JARID2: variants seen among roughly 807,000 people sequenced by gnomAD.
JARID2 encodes protein Jumonji.
Under a neutral mutation model 125.6 loss-of-function variants are expected in JARID2, and 21 were observed. The ratio of observed to expected loss-of-function variants is 0.17; its 90% CI spans 0.12 to 0.24. The LOEUF (loss-of-function observed/expected upper bound fraction) is 0.24, where lower values mean the gene tolerates loss of function less well. JARID2 is among the 10% of genes least tolerant of loss of function. JARID2 has a pLI of 1.00. For synonymous variants in JARID2, 736 were observed against 661.6 expected, an observed-to-expected ratio of 1.11 and a Z score of -1.73; for missense variants, 1,303 against 1,639.6, an observed-to-expected ratio of 0.79 and a Z score of 3.55.
intron 1 of JARID2, among the ~76,000 whole-genome samples, chr6:15,305,779 CTG>C (rs1761799252): frequency 6.6e-6 from 1 of 152,126 alleles, no homozygotes; most frequent in African/African-American, 2.4e-5. Context: ...TGTTAACATT[CTG>C]TGTGTGAGAG....
chr6:15,495,234 C>T (rs189222635), intron 6 of JARID2, among the ~76,000 whole-genome samples: 144 of 152,302 alleles, frequency 9.5e-4, no homozygotes, highest in African/African-American at 3.1e-3. Flanking sequence ...TCCCCATTTT[C>T]GCTGACGTTT....
At chr6:15,512,848 CAAG>C (rs1771344395) in intron 14 of JARID2, 64 bp from the exon 15 acceptor site, 3 of 1,493,156 alleles carry the variant, frequency 2.0e-6, no homozygotes, top group African/African-American at 2.8e-5. Context: ...CCCCCTCCAC[CAAG>C]AAGAACCTTG....
chr6:15,285,103 T>C (rs60007665), intron 1 of JARID2, among the ~76,000 whole-genome samples: 20,643 of 143,518 alleles, frequency 0.14, 2,383 homozygotes, highest in African/African-American at 0.32. Context: ...TGAGTCTTTC[T>C]GGGTTTTTTT....
At chr6:15,351,610 A>G (rs547318184) in intron 1 of JARID2, among the ~76,000 whole-genome samples, 39 of 152,282 alleles carry the variant, frequency 2.6e-4, no homozygotes, top group African/African-American at 8.7e-4. Flanking sequence ...ACACAAGGCT[A>G]CCGACTTGCA....
At chr6:15,317,456 G>T (rs1762216512) in intron 1 of JARID2, among the ~76,000 whole-genome samples, 1 of 152,156 alleles carries the variant, frequency 6.6e-6, no homozygotes, top group African/African-American at 2.4e-5. Context: ...CGACATTGTG[G>T]TAAGAGTAAT....
intron 4 of JARID2, 22 bp downstream of exon 4, chr6:15,452,197 C>T (rs751300479): frequency 9.3e-6 from 15 of 1,612,220 alleles, no homozygotes; most frequent in East Asian, 2.2e-5. Context: ...CAACCATCGG[C>T]GGAGGTCTAC....
chr6:15,309,321 C>T (rs1290138868), intron 1 of JARID2, among the ~76,000 whole-genome samples: 2 of 151,846 alleles, frequency 1.3e-5, no homozygotes, highest in African/African-American at 4.8e-5. Flanking sequence ...CTTTAAAAAT[C>T]GACATTCCAT....
intron 3 of JARID2, among the ~76,000 whole-genome samples, chr6:15,448,414 C>T (rs1177544223): frequency 2.0e-5 from 3 of 152,068 alleles, no homozygotes; most frequent in Non-Finnish European, 4.4e-5. Flanking sequence ...TTCTCATTGT[C>T]GCTGCACAAT....
At chr6:15,342,642 T>TG (rs964768785) in intron 1 of JARID2, among the ~76,000 whole-genome samples, 1 of 152,148 alleles carries the variant, frequency 6.6e-6, no homozygotes, top group Non-Finnish European at 1.5e-5. Flanking sequence ...ACATTTTTAA[T>TG]GGGGGGTATT....
Position 15,324,518 on chromosome 6 carries a change from A to G in JARID2, c.46-49599A>G, listed in dbSNP as rs1396746031. On this transcript the variant is annotated intron_variant, in intron 1 of 17. Transcript: ENST00000341776. Reference sequence around the variant, plus strand: ...TTCTTCTTTTTCTTTTTTTTAAAAGACAGTCTTTGAACCAGGCTGGAGGTT... The same window carrying G: ...TTCTTCTTTTTCTTTTTTTTAAAAGGCAGTCTTTGAACCAGGCTGGAGGTT... 4 of 151,966 alleles carry G rather than the reference A, an allele frequency of 2.6e-5. No individual in the cohort carries two copies. The East Asian group carries it at 7.7e-4, about 29-fold the overall frequency. 9.4% of individuals were successfully genotyped at this position (151,966 alleles called of 1,614,324 possible). A position where few individuals can be genotyped will look rare whatever the true frequency, so the allele number is the denominator to read the frequency against.
chr6:15,469,372 CCCCCTCTCCCCCTCTCCCCCTT>C (rs1768947372), intron 5 of JARID2, among the ~76,000 whole-genome samples: 1 of 34,268 alleles, frequency 2.9e-5, no homozygotes, highest in African/African-American at 1.2e-4. Context: ...CTCCCCTTCT[CCCCCTCTCCCCCTCTCCCCCTT>C]TCCCCCTCTC....
At chr6:15,286,716 G>A (rs1761015754) in intron 1 of JARID2, among the ~76,000 whole-genome samples, 1 of 151,924 alleles carries the variant, frequency 6.6e-6, no homozygotes, top group Admixed American at 6.6e-5. Context: ...AAAAAAATTA[G>A]CTGGGTGTGG....
At chr6:15,506,850 A>G (rs1318490287) in intron 9 of JARID2, among the ~76,000 whole-genome samples, 4 of 152,190 alleles carry the variant, frequency 2.6e-5, no homozygotes, top group Admixed American at 6.5e-5. Flanking sequence ...GATTTTGTTC[A>G]TCCATCTGTG....
chr6:15,470,155 C>T (rs999379536), intron 5 of JARID2, among the ~76,000 whole-genome samples: 21 of 140,748 alleles, frequency 1.5e-4, no homozygotes, highest in African/African-American at 4.6e-4. Flanking sequence ...CCAGCTTGGG[C>T]GACAGAGCGA....
At chr6:15,425,015 C>A (rs543189100) in intron 3 of JARID2, among the ~76,000 whole-genome samples, 5 of 152,248 alleles carry the variant, frequency 3.3e-5, no homozygotes, top group Admixed American at 6.5e-5. Flanking sequence ...TTATTATCAT[C>A]CCCATCCTAC....
intron 3 of JARID2, among the ~76,000 whole-genome samples, chr6:15,415,226 A>G (rs1305873943): frequency 6.6e-6 from 1 of 152,200 alleles, no homozygotes; most frequent in African/African-American, 2.4e-5. Context: ...CTCTACACAG[A>G]CATGGCAACC....
intron 5 of JARID2, among the ~76,000 whole-genome samples, chr6:15,477,379 C>G (rs9383061): frequency 6.6e-6 from 1 of 151,314 alleles, no homozygotes; most frequent in South Asian, 2.1e-4. Context: ...AGACAAATGC[C>G]GCCTCCCCGC....
intron 6 of JARID2, among the ~76,000 whole-genome samples, chr6:15,487,752 C>T (rs998255868): frequency 1.3e-5 from 2 of 152,220 alleles, no homozygotes; most frequent in African/African-American, 4.8e-5. Flanking sequence ...TGCATTCATC[C>T]CTGGGTGCCA....
At chr6:15,272,155 AAAAC>A (rs1167352572) in intron 1 of JARID2, among the ~76,000 whole-genome samples, 1 of 152,234 alleles carries the variant, frequency 6.6e-6, no homozygotes, top group Non-Finnish European at 1.5e-5. Context: ...GAAAAACAAA[AAAAC>A]AAAAACAGTG....
Sources: allele counts gnomAD v4.1 joint callset (sites outside exome capture counted in the v4.1 genomes callset), GRCh38; gene constraint gnomAD v4.1.1; transcripts MANE v1.5; gene names NCBI Gene and HGNC (gene_info 2026-07-23, HGNC 2026-07-21).